The following CDKL1 variants were observed in gnomAD, a reference collection of about 807,000 sequenced individuals.
CDKL1 encodes cyclin-dependent kinase-like 1.
CDKL1 carries 41 observed loss-of-function variants against 42.0 expected under a neutral mutation model. The observed-to-expected ratio is 0.98, with a 90% confidence interval of 0.76 to 1.27. CDKL1 has a LOEUF of 1.27. CDKL1 is among the 50% of genes most tolerant of loss of function. CDKL1 has a pLI of 0.00. For synonymous variants in CDKL1, 153 were observed against 158.6 expected, an observed-to-expected ratio of 0.96 and a Z score of 0.26; for missense variants, 394 against 428.4, an observed-to-expected ratio of 0.92 and a Z score of 0.71.
rs774848774 is a variant in CDKL1, at chr14:50,342,117, A to G, written c.454+15T>C. 14 of 1,607,176 alleles carry G rather than the reference A, an allele frequency of 8.7e-6. No homozygotes were observed. The highest frequency in any genetic ancestry group is 9.4e-6 in the Non-Finnish European group (11 of 1,173,876). ...TCATTTTTTATACTTAACAAAAGAAAATGTCAATACTCACTCAAAAGCCGA... is the reference window on the plus strand; with the variant it reads ...TCATTTTTTATACTTAACAAAAGAAGATGTCAATACTCACTCAAAAGCCGA... On this transcript the variant is annotated intron_variant, in intron 5 of 9. Coordinates refer to ENST00000395834, the MANE Select transcript of CDKL1 (RefSeq NM_004196.7).
chr14:50,332,163 A>T, intron 9 of CDKL1, 99 bp downstream of exon 9: 1 of 1,613,858 alleles, frequency 6.2e-7, no homozygotes, highest in Non-Finnish European at 8.5e-7. Context: ...TAGTGCTGGA[A>T]TGAGGATGCT....
At position 50,328,201 on chromosome 14, in the gene CDKL1, G is replaced by C. The variant is rs2032782295; in HGVS notation, c.*1873C>G. The C allele has an allele frequency of 6.6e-6, 1 of 151,974 alleles. No individual in the cohort carries two copies. 9.4% of individuals were successfully genotyped at this position (151,974 alleles called of 1,614,324 possible). On this transcript the variant is annotated 3_prime_UTR_variant, in exon 10 of 10. Transcript: ENST00000395834. ...TTATAGTAATCTGCCTCCGTCAAGTGTATTTTCTTGGGTTAAGGAAAAAAA... is the reference window on the plus strand; with the variant it reads ...TTATAGTAATCTGCCTCCGTCAAGTCTATTTTCTTGGGTTAAGGAAAAAAA...
intron 2 of CDKL1, among the ~76,000 whole-genome samples, chr14:50,382,542 C>CTCCTTCCT (rs60843582): frequency 1.2e-4 from 18 of 144,920 alleles, no homozygotes; most frequent in East Asian, 6.4e-4. Context: ...ATAAAAATTA[C>CTCCTTCCT]TCCTTCCTTC....
chr14:50,379,259 G>A (rs1299506838), intron 2 of CDKL1, among the ~76,000 whole-genome samples: 1 of 152,134 alleles, frequency 6.6e-6, no homozygotes, highest in East Asian at 1.9e-4. Flanking sequence ...AAGGGGCCTG[G>A]GGACTCAAGG....
At chr14:50,332,669 T>C in intron 8 of CDKL1, 1 of 1,533,450 alleles carries the variant, frequency 6.5e-7, no homozygotes, top group Non-Finnish European at 8.7e-7. Flanking sequence ...CTTATTCTGT[T>C]CTTGAAGCAA....
intron 2 of CDKL1, among the ~76,000 whole-genome samples, chr14:50,368,952 C>T (rs192341242): frequency 7.8e-4 from 118 of 150,454 alleles, no homozygotes; most frequent in Non-Finnish European, 1.3e-3. Flanking sequence ...CCACAACCTC[C>T]ACCTCCAGGG....
chr14:50,326,314 G>A lies in CDKL1; in HGVS notation c.*3760C>T, dbSNP rs575960805. 5 of 538,764 alleles carry A rather than the reference G, an allele frequency of 9.3e-6. No homozygotes were observed. Among genetic ancestry groups the A allele is most frequent in the Non-Finnish European group, 1.2e-5 (5 of 422,802 alleles). The allele number at this position is 538,764 out of a possible 1,614,324, so 33.4% of individuals were successfully genotyped here. Reference sequence around the variant, plus strand: ...ATATGTAAATCTATAGATATCTCTTGATGTAGATATTTAGAATCCTTTAAA... The same window carrying A: ...ATATGTAAATCTATAGATATCTCTTAATGTAGATATTTAGAATCCTTTAAA... On this transcript the variant is annotated 3_prime_UTR_variant, in exon 10 of 10. Transcript: ENST00000395834.
chr14:50,343,856 A>G (rs1242729834), intron 4 of CDKL1, among the ~76,000 whole-genome samples: 2 of 152,228 alleles, frequency 1.3e-5, no homozygotes, highest in African/African-American at 2.4e-5. Context: ...GTGTATTACA[A>G]GGATTATAGC....
chr14:50,351,629 G>A (rs1332456254), intron 3 of CDKL1, among the ~76,000 whole-genome samples: 2 of 151,782 alleles, frequency 1.3e-5, no homozygotes, highest in Non-Finnish European at 2.9e-5. Flanking sequence ...CAGCTACTTA[G>A]AAGGCTGAGG....
intron 3 of CDKL1, among the ~76,000 whole-genome samples, chr14:50,349,823 C>T (rs1165287999): frequency 6.6e-6 from 1 of 152,102 alleles, no homozygotes; most frequent in East Asian, 1.9e-4. Context: ...GGCTGGAGTG[C>T]AGTGGTGCTA....
chr14:50,358,266 A>T, intron 3 of CDKL1: 1 of 548,852 alleles, frequency 1.8e-6, no homozygotes, highest in South Asian at 2.1e-5. Context: ...TTGTCACTTG[A>T]AACCAAAGAA....
At chr14:50,354,518 A>G (rs2033999769) in intron 3 of CDKL1, among the ~76,000 whole-genome samples, 1 of 152,216 alleles carries the variant, frequency 6.6e-6, no homozygotes, top group Admixed American at 6.5e-5. Flanking sequence ...AGGAGAAAAC[A>G]TCCAAACCAG....
intron 3 of CDKL1, among the ~76,000 whole-genome samples, chr14:50,346,651 G>GTTTTT (rs375954757): frequency 1.5e-4 from 19 of 123,632 alleles, no homozygotes; most frequent in African/African-American, 2.0e-4. Flanking sequence ...TTAAATTTTT[G>GTTTTT]GTTTTTTTTT....
chr14:50,382,044 G>A (rs909735107), intron 2 of CDKL1, among the ~76,000 whole-genome samples: 1 of 152,094 alleles, frequency 6.6e-6, no homozygotes. Flanking sequence ...TTCACTAGAG[G>A]GACTTTAAGG....
chr14:50,395,363 T>C (rs1304128968), intron 2 of CDKL1, among the ~76,000 whole-genome samples: 1 of 152,222 alleles, frequency 6.6e-6, no homozygotes, highest in Non-Finnish European at 1.5e-5. Flanking sequence ...TCTAGTTCAT[T>C]ATATAATTAG....
chr14:50,366,865 G>T (rs898642964), intron 2 of CDKL1, among the ~76,000 whole-genome samples: 3 of 151,242 alleles, frequency 2.0e-5, no homozygotes, highest in Non-Finnish European at 4.4e-5. Context: ...ATCACAGAGA[G>T]GGGGAGTAAG....
At chr14:50,382,801 C>T (rs2034955228) in intron 2 of CDKL1, among the ~76,000 whole-genome samples, 1 of 152,192 alleles carries the variant, frequency 6.6e-6, no homozygotes, top group African/African-American at 2.4e-5. Context: ...ACTTGTTGCC[C>T]AGGCTGGTCT....
rs1210765955 is a variant in CDKL1 at position 50,331,955 on chromosome 14, A to G, written c.966+307T>C. 8.1e-6 allele frequency: 11 copies of G among 1,356,436 alleles called. No individual in the cohort carries two copies. The East Asian group carries it at 2.8e-4, about 34-fold the overall frequency. The allele number at this position is 1,356,436 out of a possible 1,614,324, so 84.0% of individuals were successfully genotyped here. ...TGGGGAAAATCTGATTTCATTTTCC[A>G]AAGCCCAAAAAGTCTCCTTAGCTGG... On this transcript the variant is annotated intron_variant, in intron 9 of 9. Coordinates refer to ENST00000395834, the MANE Select transcript of CDKL1 (RefSeq NM_004196.7).
At position 50,341,725 on chromosome 14, in the gene CDKL1, G is replaced by A. The variant is rs181762089; in HGVS notation, c.454+407C>T. Among the ~76,000 whole-genome samples the A allele has an allele frequency of 2.9e-3, 442 of 151,922 alleles. 2 individuals carry two copies. Among genetic ancestry groups the A allele is most frequent in the Non-Finnish European group, 3.8e-3 (260 of 67,942 alleles). ...GAACTGGGGAGGTCGAGACTGTGGT[G>A]GGCTGTGACTGTGCCACTGCACTCC... On this transcript the variant is annotated intron_variant, in intron 5 of 9. Coordinates refer to ENST00000395834, the MANE Select transcript of CDKL1 (RefSeq NM_004196.7).
Sources: allele counts gnomAD v4.1 joint callset (sites outside exome capture counted in the v4.1 genomes callset), GRCh38; gene constraint gnomAD v4.1.1; transcripts MANE v1.5; gene names NCBI Gene and HGNC (gene_info 2026-07-23, HGNC 2026-07-21).